The following HUWE1 variants were observed in gnomAD, a reference collection of about 807,000 sequenced individuals.
The protein encoded by HUWE1 is E3 ubiquitin-protein ligase HUWE1.
HUWE1 carries 18 observed loss-of-function variants against 299.4 expected under a neutral mutation model. The observed-to-expected ratio is 0.06, with a 90% CI of 0.04 to 0.09. The LOEUF is 0.09. Ranked by LOEUF, HUWE1 falls within the 10% of genes least tolerant of loss-of-function variation. The pLI is 1.00. For missense variants in HUWE1, 1,832 were observed against 3,462.3 expected (o/e 0.53, Z 11.82); for synonymous variants, 1,317 against 1,286.1 (o/e 1.02, Z -0.51).
chrX:53,546,323 T>C (rs782378710), intron 70 of HUWE1, 113 bp downstream of exon 70: 11 of 670,959 alleles, frequency 1.6e-5, no homozygotes, highest in Admixed American at 2.6e-5. Context: ...GGCTGTGTTA[T>C]AGGGATATGG....
chrX:53,557,313 A>T, intron 60 of HUWE1, 69 bp downstream of exon 60: 1 of 955,149 alleles, frequency 1.0e-6, no homozygotes, highest in Non-Finnish European at 1.5e-6. Flanking sequence ...TGGGCCAGCT[A>T]CTCGGAACTA....
intron 7 of HUWE1, among the ~76,000 whole-genome samples, chrX:53,641,827 T>G (rs1569506233): frequency 8.9e-6 from 1 of 111,963 alleles, no homozygotes; most frequent in Non-Finnish European, 1.9e-5. Flanking sequence ...GTCTTCCCAT[T>G]TAAAAAATGT....
intron 59 of HUWE1, among the ~76,000 whole-genome samples, chrX:53,558,346 A>C (rs1384774257): frequency 9.0e-6 from 1 of 111,576 alleles, no homozygotes; most frequent in Non-Finnish European, 1.9e-5. Flanking sequence ...GCATGGACTT[A>C]GATAAGGTTT....
chrX:53,629,736 G>A, intron 12 of HUWE1, 120 bp from the exon 13 acceptor site: 1 of 473,353 alleles, frequency 2.1e-6, no homozygotes, highest in Non-Finnish European at 3.7e-6. Flanking sequence ...CAGCAATGGA[G>A]GGCAGAATCA....
At chrX:53,594,363 G>A in intron 31 of HUWE1, 136 bp downstream of exon 31, 1 of 716,572 alleles carries the variant, frequency 1.4e-6, no homozygotes, top group South Asian at 2.5e-5. Flanking sequence ...CCAGAACACT[G>A]AAGGATACAA....
intron 34 of HUWE1, among the ~76,000 whole-genome samples, 153 bp downstream of exon 34, chrX:53,590,845 TTC>T (rs1225234496): frequency 2.7e-5 from 3 of 112,149 alleles, no homozygotes; most frequent in African/African-American, 9.7e-5. Context: ...GACAGAAAAC[TTC>T]TGTTATTATG....
chrX:53,661,359 T>A (rs1056056076), intron 3 of HUWE1, among the ~76,000 whole-genome samples: 1 of 111,934 alleles, frequency 8.9e-6, no homozygotes, highest in Admixed American at 9.5e-5. Context: ...ACCAGTTTTA[T>A]TACTACAAAA....
intron 4 of HUWE1, among the ~76,000 whole-genome samples, chrX:53,650,669 G>A (rs2068399890): frequency 8.9e-6 from 1 of 111,934 alleles, no homozygotes; most frequent in African/African-American, 3.2e-5. Context: ...CAAATCTGGG[G>A]AAAAAATCCT....
chrX:53,554,236 T>TC (rs1361748638), intron 61 of HUWE1, among the ~76,000 whole-genome samples: 1 of 110,637 alleles, frequency 9.0e-6, no homozygotes, highest in African/African-American at 3.3e-5. Flanking sequence ...AGTTTTTTTT[T>TC]CCCCCCAATA....
intron 19 of HUWE1, among the ~76,000 whole-genome samples, chrX:53,621,361 T>G (rs1018809692): frequency 9.1e-6 from 1 of 110,306 alleles, no homozygotes; most frequent in East Asian, 2.8e-4. Context: ...GTGATCCCAC[T>G]TGTTTAGGGG....
chrX:53,549,749 C>T (rs782051335), intron 66 of HUWE1, among the ~76,000 whole-genome samples: 60 of 108,761 alleles, frequency 5.5e-4, no homozygotes, highest in South Asian at 4.6e-3. Context: ...TGAAGCCCCC[C>T]ACCCCCACCA....
intron 4 of HUWE1, among the ~76,000 whole-genome samples, chrX:53,652,813 C>T (rs903065754): frequency 8.0e-5 from 9 of 112,285 alleles, no homozygotes; most frequent in African/African-American, 2.9e-4. Flanking sequence ...ATGAAATTAA[C>T]AAAAATTTAA....
chrX:53,584,157 G>C (rs1298337603), intron 41 of HUWE1, 29 bp downstream of exon 41: 2 of 1,186,478 alleles, frequency 1.7e-6, no homozygotes, highest in Non-Finnish European at 2.3e-6. Context: ...AGGCACATTA[G>C]CTTTAGGTAA....
intron 9 of HUWE1, 62 bp from the exon 10 acceptor site, chrX:53,631,676 A>G (rs368556427): frequency 3.1e-5 from 27 of 858,106 alleles, no homozygotes; most frequent in Non-Finnish European, 4.5e-5. Context: ...TTCCCCTTCC[A>G]TAGAGCTCCA....
rs1556916617 is a variant in HUWE1, at chrX:53,539,649, C to T, written c.11632+8G>A. 8.3e-7 allele frequency: 1 copy of T among 1,211,263 alleles called. No individual in the cohort carries two copies. The highest frequency in any genetic ancestry group is 1.1e-6 in the Non-Finnish European group (1 of 894,996). The stretch of plus-strand genomic sequence containing the variant: ...GGTTGGGACCTGGGCCTTTAGGACA[C>T]AACTCACCTAGCACCGCATGCTGGT... On this transcript the variant is annotated splice_region_variant and intron_variant, in intron 75 of 83. Coordinates refer to ENST00000262854, the MANE Select transcript of HUWE1 (RefSeq NM_031407.7).
chrX:53,612,202 G>A (rs1603089714), intron 23 of HUWE1, among the ~76,000 whole-genome samples: 2 of 111,741 alleles, frequency 1.8e-5, no homozygotes, highest in East Asian at 5.6e-4. Flanking sequence ...AATTTACTTA[G>A]TGACCCAATC....
chrX:53,534,541 T>C lies in HUWE1; in HGVS notation c.12806A>G (p.His4269Arg). 8.3e-7 allele frequency: 1 copy of C among 1,208,913 alleles called. No individual in the cohort carries two copies. The highest frequency in any genetic ancestry group is 1.1e-6 in the Non-Finnish European group (1 of 893,921). ...CTGAATAGAGTTGGACTGGTACTTGTGGTATTCAGTGTTGGATTTCAGATC... is the reference window on the plus strand; with the variant it reads ...CTGAATAGAGTTGGACTGGTACTTGCGGTATTCAGTGTTGGATTTCAGATC... ...IDDLKSNTEY[H>R]KYQSNSIQIQ... Residue 4269 changes from histidine (H) to arginine (R), a missense_variant, in exon 82 of 84, where the codon CAC becomes CGC. Transcript: ENST00000262854.
At chrX:53,555,987 G>C (rs2061998398) in intron 60 of HUWE1, among the ~76,000 whole-genome samples, 1 of 111,914 alleles carries the variant, frequency 8.9e-6, no homozygotes. Flanking sequence ...ACACATTCCT[G>C]TTCTATTACT....
intron 7 of HUWE1, among the ~76,000 whole-genome samples, chrX:53,641,155 C>T (rs1263071210): frequency 8.9e-6 from 1 of 111,876 alleles, no homozygotes; most frequent in Non-Finnish European, 1.9e-5. Context: ...CCCCTCAAAA[C>T]AGCCTACTGT....
Sources: gnomAD v4.1 joint callset for allele counts (sites outside exome capture counted in the v4.1 genomes callset) on GRCh38, gnomAD v4.1.1 for gene constraint, MANE v1.5 for transcripts, NCBI Gene and HGNC (gene_info 2026-07-23, HGNC 2026-07-21) for gene names.